Variants in CAMK1D observed in about 807,000 individuals in gnomAD.
The protein encoded by CAMK1D is calcium/calmodulin-dependent protein kinase type 1D.
A neutral mutation model predicts 47.7 loss-of-function variants in CAMK1D; 9 were observed. That is an observed-to-expected ratio of 0.19 (90% CI 0.11 to 0.33). The LOEUF (loss-of-function observed/expected upper bound fraction) is 0.33. CAMK1D is among the 10% of genes least tolerant of loss of function. CAMK1D has a pLI of 1.00. For missense variants in CAMK1D, 291 were observed against 488.7 expected (o/e 0.60, Z 3.81); for synonymous variants, 184 against 184.9 (o/e 0.99, Z 0.04).
chr10:12,778,795 C>A (rs1041925056), intron 5 of CAMK1D, among the ~76,000 whole-genome samples: 3 of 152,056 alleles, frequency 2.0e-5, no homozygotes, highest in Non-Finnish European at 4.4e-5. Context: ...ATCACCTGAG[C>A]CCAGGACTTT....
chr10:12,576,802 T>G (rs1837502234), intron 2 of CAMK1D, among the ~76,000 whole-genome samples: 1 of 152,170 alleles, frequency 6.6e-6, no homozygotes, highest in Admixed American at 6.5e-5. Context: ...TTCTGGAGAC[T>G]CGGCTCTGTA....
intron 1 of CAMK1D, among the ~76,000 whole-genome samples, chr10:12,380,384 A>G (rs1838304709): frequency 6.6e-6 from 1 of 152,206 alleles, no homozygotes; most frequent in Non-Finnish European, 1.5e-5. Context: ...GGAATTCGTC[A>G]CACTTGGAGC....
chr10:12,352,717 G>A (rs73587006), intron 1 of CAMK1D, among the ~76,000 whole-genome samples: 3,175 of 150,078 alleles, frequency 0.021, 103 homozygotes, highest in African/African-American at 0.074. Context: ...TTGGATTGTC[G>A]TCCTTTTGCT....
At chr10:12,403,531 A>G (rs780045876) in intron 1 of CAMK1D, among the ~76,000 whole-genome samples, 1 of 152,216 alleles carries the variant, frequency 6.6e-6, no homozygotes, top group African/African-American at 2.4e-5. Flanking sequence ...TTACATGAAC[A>G]GCTATTCTAT....
rs140590174 is a variant in CAMK1D, at chr10:12,447,093, G to GTC, written c.92+97195_92+97196dup. 4.3e-3 allele frequency among the ~76,000 whole-genome samples: 650 copies of GTC among 151,970 alleles called. 6 individuals are homozygous for GTC. Among genetic ancestry groups the GTC allele is most frequent in the Non-Finnish European group, 8.3e-3 (562 of 67,940 alleles). On this transcript the variant is annotated intron_variant, in intron 1 of 10. Transcript: ENST00000619168. ...TTTGGGTCTAAGTTTTTTCCACTGT[G>GTC]TCTCTCTCTCTCTGTCTTTTTTTAC...
intron 2 of CAMK1D, among the ~76,000 whole-genome samples, chr10:12,583,608 T>A (rs770771396): frequency 3.6e-4 from 54 of 149,112 alleles, no homozygotes; most frequent in Admixed American, 1.5e-3. Flanking sequence ...TTGTTTTATT[T>A]TTTTTTTTTT....
At chr10:12,585,423 T>G (rs1837786886) in intron 2 of CAMK1D, among the ~76,000 whole-genome samples, 1 of 152,198 alleles carries the variant, frequency 6.6e-6, no homozygotes. Context: ...CCAAGTACAG[T>G]TCCTAGGAGG....
chr10:12,437,688 T>A (rs1280690605), intron 1 of CAMK1D, among the ~76,000 whole-genome samples: 4 of 152,156 alleles, frequency 2.6e-5, no homozygotes, highest in Non-Finnish European at 5.9e-5. Context: ...GTCCATAGTT[T>A]ACATTAGGGC....
At chr10:12,561,940 C>T (rs1836957852) in intron 2 of CAMK1D, among the ~76,000 whole-genome samples, 1 of 152,186 alleles carries the variant, frequency 6.6e-6, no homozygotes, top group Non-Finnish European at 1.5e-5. Flanking sequence ...TGGTTTATCT[C>T]TCCAGGGTCC....
chr10:12,530,029 C>T (rs1326275278), intron 1 of CAMK1D, among the ~76,000 whole-genome samples: 5 of 152,162 alleles, frequency 3.3e-5, no homozygotes, highest in African/African-American at 4.8e-5. Flanking sequence ...CAACCCTGTA[C>T]GAAGCTTGAT....
intron 2 of CAMK1D, among the ~76,000 whole-genome samples, chr10:12,600,663 A>G (rs1405382400): frequency 6.6e-6 from 1 of 152,246 alleles, no homozygotes; most frequent in Non-Finnish European, 1.5e-5. Context: ...GTACAAGTAC[A>G]GTTTTGTTAC....
At chr10:12,675,593 A>G (rs966798502) in intron 3 of CAMK1D, among the ~76,000 whole-genome samples, 2 of 152,174 alleles carry the variant, frequency 1.3e-5, no homozygotes, top group South Asian at 2.1e-4. Context: ...CCTCGTCTCT[A>G]TACCTACCAC....
intron 1 of CAMK1D, among the ~76,000 whole-genome samples, chr10:12,394,619 A>G (rs1179418615): frequency 1.3e-5 from 2 of 152,298 alleles, no homozygotes; most frequent in East Asian, 1.9e-4. Context: ...GACACCAAAG[A>G]TAGATTTCTT....
intron 2 of CAMK1D, among the ~76,000 whole-genome samples, chr10:12,599,930 T>A (rs893824058): frequency 1.2e-4 from 19 of 152,242 alleles, no homozygotes; most frequent in African/African-American, 4.6e-4. Context: ...ACAATTGGCT[T>A]TATTTTTTAA....
At chr10:12,694,560 A>ATT (rs1833175299) in intron 3 of CAMK1D, among the ~76,000 whole-genome samples, 2 of 79,470 alleles carry the variant, frequency 2.5e-5, no homozygotes, top group Admixed American at 1.6e-4. Context: ...TTATATATAA[A>ATT]ATATATAATA....
intron 3 of CAMK1D, among the ~76,000 whole-genome samples, chr10:12,681,573 T>C (rs1832437619): frequency 6.6e-6 from 1 of 152,274 alleles, no homozygotes; most frequent in African/African-American, 2.4e-5. Context: ...CATTCTGCTC[T>C]CTTCTGCTGT....
intron 5 of CAMK1D, among the ~76,000 whole-genome samples, chr10:12,784,377 T>A (rs1837627678): frequency 6.6e-6 from 1 of 152,074 alleles, no homozygotes. Context: ...TTTGTATTTT[T>A]AGTAGAGACG....
At chr10:12,469,505 C>T (rs1302964895) in intron 1 of CAMK1D, among the ~76,000 whole-genome samples, 5 of 152,052 alleles carry the variant, frequency 3.3e-5, no homozygotes, top group Admixed American at 1.3e-4. Flanking sequence ...CTAGGTTTGC[C>T]GTGCTCTGCT....
intron 1 of CAMK1D, among the ~76,000 whole-genome samples, chr10:12,442,322 A>AG (rs1832807050): frequency 6.6e-6 from 1 of 152,208 alleles, no homozygotes; most frequent in Non-Finnish European, 1.5e-5. Flanking sequence ...TCTACTAAAA[A>AG]TACAAAAAAT....
Sources: gnomAD v4.1 joint callset for allele counts (sites outside exome capture counted in the v4.1 genomes callset) on GRCh38, gnomAD v4.1.1 for gene constraint, MANE v1.5 for transcripts, NCBI Gene and HGNC (gene_info 2026-07-23, HGNC 2026-07-21) for gene names.